Variants in CTNNA2 observed in about 807,000 individuals in gnomAD.
The protein encoded by CTNNA2 is catenin alpha 2.
CTNNA2 carries 42 observed loss-of-function variants against 101.0 expected under a neutral mutation model. The observed-to-expected ratio is 0.42, with a 90% CI of 0.32 to 0.54. CTNNA2 has a LOEUF of 0.54. CTNNA2 is among the 20% of genes least tolerant of loss of function. The pLI is 0.14. For missense variants in CTNNA2, 871 were observed against 1,223.1 expected, an observed-to-expected ratio of 0.71 and a Z score of 4.29; for synonymous variants, 450 against 456.4, an observed-to-expected ratio of 0.99 and a Z score of 0.18.
At chr2:79,225,046 T>C (rs1291265222) in intron 2 of CTNNA2, among the ~76,000 whole-genome samples, 2 of 152,120 alleles carry the variant, frequency 1.3e-5, no homozygotes, top group Admixed American at 1.3e-4. Context: ...CCAAGCTGTT[T>C]CTGGTTTTTG....
At chr2:80,355,472 A>G (rs534234729) in intron 7 of CTNNA2, among the ~76,000 whole-genome samples, 27 of 152,166 alleles carry the variant, frequency 1.8e-4, no homozygotes, top group Admixed American at 1.6e-3. Flanking sequence ...AGGGATGCCA[A>G]CTCGACTCCC....
At chr2:79,685,074 T>C (rs770029927) in intron 2 of CTNNA2, among the ~76,000 whole-genome samples, 2 of 152,200 alleles carry the variant, frequency 1.3e-5, no homozygotes, top group Non-Finnish European at 2.9e-5. Context: ...GGAATATTAT[T>C]AATAGATTTC....
At chr2:79,319,511 G>A (rs1024831443) in intron 3 of CTNNA2, among the ~76,000 whole-genome samples, 2 of 151,640 alleles carry the variant, frequency 1.3e-5, no homozygotes, top group African/African-American at 4.9e-5. Flanking sequence ...TTCATCCACA[G>A]CAACCTCCTC....
At chr2:80,015,727 CAAGT>C (rs1694099739) in intron 7 of CTNNA2, among the ~76,000 whole-genome samples, 1 of 152,204 alleles carries the variant, frequency 6.6e-6, no homozygotes, top group Non-Finnish European at 1.5e-5. Context: ...TGTAAACACT[CAAGT>C]ACTGCAGGAT....
intron 9 of CTNNA2, among the ~76,000 whole-genome samples, chr2:80,433,509 C>T (rs1304011530): frequency 1.3e-5 from 2 of 152,072 alleles, no homozygotes; most frequent in Admixed American, 6.5e-5. Context: ...TTCAGGCTGT[C>T]GCCGCAGGGT....
chr2:80,569,033 C>A (rs79956373), intron 12 of CTNNA2, among the ~76,000 whole-genome samples: 1 of 152,188 alleles, frequency 6.6e-6, no homozygotes, highest in Admixed American at 6.5e-5. Flanking sequence ...GGTTACCTGA[C>A]TCTTCATCTC....
intron 7 of CTNNA2, among the ~76,000 whole-genome samples, chr2:79,928,153 T>C (rs1417238550): frequency 6.6e-6 from 1 of 152,166 alleles, no homozygotes; most frequent in Admixed American, 6.5e-5. Flanking sequence ...TTAAATTTCA[T>C]TAATACCTCA....
chr2:79,286,474 G>T (rs1392200096), intron 2 of CTNNA2, among the ~76,000 whole-genome samples: 1 of 151,408 alleles, frequency 6.6e-6, no homozygotes, highest in African/African-American at 2.4e-5. Context: ...CTCAGCATTT[G>T]CTTGTCTGTA....
chr2:79,481,190 A>G lies in CTNNA2; in HGVS notation c.-134-23864A>G, dbSNP rs1015308304. Among the ~76,000 whole-genome samples the G allele has an allele frequency of 2.0e-5, 3 of 152,190 alleles. No individual in the cohort carries two copies. The South Asian group carries it at 6.2e-4, about 32-fold the overall frequency. On this transcript the variant is annotated intron_variant, in intron 4 of 21. Transcript: ENST00000466387. ...TTAAAATGTAAATTATAATTATGTA[A>G]TCGGAAAAACTTAGATTGGCCATAC...
At chr2:80,014,333 G>C (rs1040145452) in intron 7 of CTNNA2, among the ~76,000 whole-genome samples, 2 of 151,762 alleles carry the variant, frequency 1.3e-5, no homozygotes, top group Admixed American at 1.3e-4. Context: ...TTCCGGAGGG[G>C]TGACGACAAT....
chr2:80,107,629 G>C (rs1475562911), intron 7 of CTNNA2, among the ~76,000 whole-genome samples: 3 of 152,210 alleles, frequency 2.0e-5, no homozygotes, highest in Non-Finnish European at 2.9e-5. Context: ...CAGGACTCAC[G>C]GAGTGTGGTG....
At chr2:79,857,959 G>T (rs1574147767) in intron 3 of CTNNA2, 54 bp from the exon 4 acceptor site, 13 of 1,548,490 alleles carry the variant, frequency 8.4e-6, no homozygotes, top group Non-Finnish European at 7.1e-6. Flanking sequence ...CTTTAGGATG[G>T]CCAGTCTCTA....
chr2:79,266,463 A>G (rs1464791228), intron 2 of CTNNA2, among the ~76,000 whole-genome samples: 1 of 152,136 alleles, frequency 6.6e-6, no homozygotes, highest in African/African-American at 2.4e-5. Flanking sequence ...TTACTTATCT[A>G]CTGATATTTC....
intron 3 of CTNNA2, among the ~76,000 whole-genome samples, chr2:79,772,692 C>G (rs1673677241): frequency 6.6e-6 from 1 of 152,118 alleles, no homozygotes. Flanking sequence ...CCTGCCCAGT[C>G]ACCAGAGTAG....
At chr2:79,754,974 G>A (rs993102887) in intron 3 of CTNNA2, among the ~76,000 whole-genome samples, 6 of 152,008 alleles carry the variant, frequency 3.9e-5, no homozygotes, top group Non-Finnish European at 7.4e-5. Flanking sequence ...TTCCCTCTAC[G>A]GATCTCACTT....
intron 4 of CTNNA2, among the ~76,000 whole-genome samples, chr2:79,482,432 G>A (rs17712817): frequency 0.16 from 23,741 of 152,152 alleles, 2,230 homozygotes; most frequent in Middle Eastern, 0.3. Flanking sequence ...ATTTGGAAAC[G>A]TGGGCTAGTT....
intron 1 of CTNNA2, among the ~76,000 whole-genome samples, chr2:79,589,299 T>TA (rs1206096034): frequency 1.3e-5 from 2 of 152,220 alleles, no homozygotes; most frequent in Non-Finnish European, 2.9e-5. Context: ...TTCTGTATAA[T>TA]AAAATAGATG....
At chr2:80,425,128 G>A (rs1680881488) in intron 9 of CTNNA2, among the ~76,000 whole-genome samples, 2 of 152,158 alleles carry the variant, frequency 1.3e-5, no homozygotes, top group South Asian at 4.1e-4. Flanking sequence ...TCCCCTCAAT[G>A]AGCCTCTCTT....
At chr2:79,768,770 CTA>C in intron 3 of CTNNA2, among the ~76,000 whole-genome samples, 1 of 152,230 alleles carries the variant, frequency 6.6e-6, no homozygotes. Context: ...ATCTCCCTCC[CTA>C]ACACACGCCA....
Sources: gnomAD v4.1 joint callset for allele counts (sites outside exome capture counted in the v4.1 genomes callset) on GRCh38, gnomAD v4.1.1 for gene constraint, MANE v1.5 for transcripts, NCBI Gene and HGNC (gene_info 2026-07-23, HGNC 2026-07-21) for gene names.